NRXN1: variants seen among roughly 807,000 people sequenced by gnomAD.
NRXN1 encodes neurexin-1.
NRXN1 carries 39 observed loss-of-function variants against 150.9 expected under a neutral mutation model. That is an observed-to-expected ratio of 0.26 (90% CI 0.20 to 0.34). The LOEUF is 0.34. Among genes scored for constraint, NRXN1 ranks in the 10% least tolerant of loss-of-function variants. NRXN1 has a pLI of 1.00. For synonymous variants in NRXN1, 924 were observed against 757.0 expected, an observed-to-expected ratio of 1.22 and a Z score of -3.62; for missense variants, 1,815 against 1,949.9, an observed-to-expected ratio of 0.93 and a Z score of 1.30.
At chr2:50,432,308 T>G (rs2085038124) in intron 17 of NRXN1, 2 of 152,188 alleles carry the variant, frequency 1.3e-5, no homozygotes, top group Non-Finnish European at 2.9e-5. Context: ...ATGCCTTTAT[T>G]CTCTTCTGCC....
At chr2:50,718,234 A>T (rs565081241) in intron 5 of NRXN1, among the ~76,000 whole-genome samples, 3 of 152,270 alleles carry the variant, frequency 2.0e-5, no homozygotes, top group Non-Finnish European at 4.4e-5. Flanking sequence ...ATACAAACAC[A>T]TATAAACATG....
At chr2:49,989,933 T>C (rs957108241) in intron 21 of NRXN1, among the ~76,000 whole-genome samples, 12 of 152,092 alleles carry the variant, frequency 7.9e-5, no homozygotes, top group African/African-American at 1.4e-4. Flanking sequence ...GTGTTTCATG[T>C]TGGTACTCTA....
chr2:50,797,400 G>A (rs528094543), intron 5 of NRXN1, among the ~76,000 whole-genome samples: 1 of 152,172 alleles, frequency 6.6e-6, no homozygotes. Flanking sequence ...TCACAAAGAT[G>A]GAGGGGAGGA....
At chr2:50,880,089 T>A (rs898527581) in intron 5 of NRXN1, among the ~76,000 whole-genome samples, 2 of 151,966 alleles carry the variant, frequency 1.3e-5, no homozygotes, top group African/African-American at 4.8e-5. Flanking sequence ...ATTTCTGCAG[T>A]CAGATATGGG....
chr2:50,219,926 A>G (rs1242063248), intron 18 of NRXN1, among the ~76,000 whole-genome samples: 2 of 74,232 alleles, frequency 2.7e-5, no homozygotes, highest in East Asian at 2.9e-4. Flanking sequence ...CTCTCTCTAT[A>G]TTATATATAT....
At chr2:50,953,342 A>C (rs1274790826) in intron 2 of NRXN1, among the ~76,000 whole-genome samples, 1 of 152,198 alleles carries the variant, frequency 6.6e-6, no homozygotes. Context: ...AATTGTCTGG[A>C]ATATAGTAGT....
At chr2:50,227,485 G>T (rs909692268) in intron 18 of NRXN1, among the ~76,000 whole-genome samples, 1 of 151,926 alleles carries the variant, frequency 6.6e-6, no homozygotes, top group Non-Finnish European at 1.5e-5. Context: ...ACCAGGATTT[G>T]TGCTTTTTTT....
chr2:50,343,933 T>C (rs2077737097), intron 17 of NRXN1, among the ~76,000 whole-genome samples: 1 of 152,210 alleles, frequency 6.6e-6, no homozygotes, highest in Non-Finnish European at 1.5e-5. Flanking sequence ...CCAAATAAAT[T>C]TGCAATAGTC....
intron 2 of NRXN1, among the ~76,000 whole-genome samples, chr2:50,994,427 C>T (rs1698982072): frequency 1.3e-5 from 2 of 152,012 alleles, no homozygotes; most frequent in South Asian, 2.1e-4. Flanking sequence ...TAGTCAAAAG[C>T]ATTCAGCTTT....
chr2:50,619,981 G>C (rs1679704342), intron 8 of NRXN1, 41 bp downstream of exon 8: 4 of 1,506,274 alleles, frequency 2.7e-6, no homozygotes, highest in Non-Finnish European at 1.8e-6. Flanking sequence ...GAAATGATGA[G>C]ACCATGAATT....
At chr2:50,241,813 C>G (rs2066025020) in intron 17 of NRXN1, among the ~76,000 whole-genome samples, 1 of 151,756 alleles carries the variant, frequency 6.6e-6, no homozygotes, top group African/African-American at 2.4e-5. Flanking sequence ...CTGTCCCTTG[C>G]CTAAGTGTGC....
At chr2:50,144,782 T>C (rs903893677) in intron 18 of NRXN1, among the ~76,000 whole-genome samples, 3 of 151,782 alleles carry the variant, frequency 2.0e-5, no homozygotes, top group Admixed American at 1.3e-4. Flanking sequence ...TTAAAAATCA[T>C]ATTGGACGAG....
intron 21 of NRXN1, among the ~76,000 whole-genome samples, chr2:50,009,480 C>T (rs1685297283): frequency 6.6e-6 from 1 of 152,128 alleles, no homozygotes; most frequent in Admixed American, 6.6e-5. Context: ...TAATGAATTT[C>T]AGAGCAAATA....
At chr2:50,874,027 T>C (rs1678196946) in intron 5 of NRXN1, among the ~76,000 whole-genome samples, 1 of 151,944 alleles carries the variant, frequency 6.6e-6, no homozygotes, top group Non-Finnish European at 1.5e-5. Context: ...TTGCCTCATA[T>C]GGTTTTCTAG....
Position 50,097,443 on chromosome 2 carries a change from A to G in NRXN1, c.3547-5949T>C, listed in dbSNP as rs1700370433. 2.0e-5 allele frequency among the ~76,000 whole-genome samples: 3 copies of G among 152,174 alleles called. No individual in the cohort carries two copies. The South Asian group carries it at 6.2e-4, about 32-fold the overall frequency. On this transcript the variant is annotated intron_variant, in intron 18 of 22. Transcript: ENST00000401669. ...CAAATCTACATTGTTGATTGAAACC[A>G]GAGTTGGGTGAATGGAATGTTTTGC... is the stretch of plus-strand genomic sequence containing the variant.
chr2:50,334,192 A>AATT (rs57808424), intron 17 of NRXN1, among the ~76,000 whole-genome samples: 1 of 118,978 alleles, frequency 8.4e-6, no homozygotes, highest in African/African-American at 4.3e-5. Context: ...ACCAGGACCA[A>AATT]ATATATATAT....
At chr2:50,934,604 A>G (rs1184116239) in intron 2 of NRXN1, among the ~76,000 whole-genome samples, 1 of 152,204 alleles carries the variant, frequency 6.6e-6, no homozygotes, top group Non-Finnish European at 1.5e-5. Context: ...CAGTCATTAC[A>G]ATAAGTTCTA....
At chr2:50,607,742 C>CAAAA (rs71955231) in intron 8 of NRXN1, among the ~76,000 whole-genome samples, 2 of 108,306 alleles carry the variant, frequency 1.8e-5, no homozygotes, top group African/African-American at 3.1e-5. Flanking sequence ...CTCTAAAAAT[C>CAAAA]AAAAAAAAAA....
chr2:50,891,116 T>G (rs1398625328), intron 5 of NRXN1, among the ~76,000 whole-genome samples: 1 of 151,994 alleles, frequency 6.6e-6, no homozygotes, highest in East Asian at 1.9e-4. Flanking sequence ...AGGCAAACAG[T>G]CTGTCAGTAA....
Sources: gnomAD v4.1 joint callset for allele counts (sites outside exome capture counted in the v4.1 genomes callset) on GRCh38, gnomAD v4.1.1 for gene constraint, MANE v1.5 for transcripts, NCBI Gene and HGNC (gene_info 2026-07-23, HGNC 2026-07-21) for gene names.